The following SRBD1 variants were observed in gnomAD, a reference collection of about 807,000 sequenced individuals.
The protein encoded by SRBD1 is S1 RNA binding domain 1.
A neutral mutation model predicts 115.3 loss-of-function variants in SRBD1; 88 were observed. The observed-to-expected ratio is 0.76, with a 90% CI of 0.64 to 0.91. The LOEUF (loss-of-function observed/expected upper bound fraction) is 0.91, where lower values mean the gene tolerates loss of function less well. Ranked by LOEUF, SRBD1 falls within the 40% of genes least tolerant of loss-of-function variation. The pLI, the probability that SRBD1 is intolerant of heterozygous loss-of-function variation, is 0.00. For synonymous variants in SRBD1, 509 were observed against 407.7 expected, an observed-to-expected ratio of 1.25 and a Z score of -2.99; for missense variants, 1,385 against 1,177.4, an observed-to-expected ratio of 1.18 and a Z score of -2.58.
intron 14 of SRBD1, among the ~76,000 whole-genome samples, chr2:45,527,649 T>C (rs1363968165): frequency 1.3e-5 from 2 of 151,924 alleles, no homozygotes; most frequent in African/African-American, 4.8e-5. Context: ...TATTTTTCAA[T>C]GTACTATTCA....
In SRBD1 at chr2:45,574,725, T is replaced by G; in HGVS notation, c.1073-2A>C. ...CAATATCCTGAAGCGTTGAAAGCCC[T>G]TTAGGAGAAGGGTAAAAAGGAAAAC... On this transcript the variant is annotated splice_acceptor_variant, in intron 7 of 20. Coordinates refer to ENST00000263736, the MANE Select transcript of SRBD1 (RefSeq NM_018079.5). LOFTEE classifies it high-confidence loss of function. 6.2e-7 allele frequency: 1 copy of G among 1,605,534 alleles called. No individual in the cohort carries two copies. Among genetic ancestry groups the G allele is most frequent in the Non-Finnish European group, 8.5e-7 (1 of 1,177,608 alleles).
At chr2:45,538,997 C>A (rs1671849639) in intron 14 of SRBD1, among the ~76,000 whole-genome samples, 1 of 151,684 alleles carries the variant, frequency 6.6e-6, no homozygotes. Context: ...GAGGAAAGAA[C>A]TAAAAGAAAC....
intron 14 of SRBD1, among the ~76,000 whole-genome samples, chr2:45,523,932 A>C (rs150629327): frequency 2.1e-4 from 32 of 152,074 alleles, no homozygotes; most frequent in Admixed American, 6.6e-4. Context: ...ACAAAATACT[A>C]GCAAACCAAA....
intron 17 of SRBD1, 69 bp downstream of exon 17, chr2:45,419,719 A>T (rs1053622008): frequency 5.0e-6 from 7 of 1,390,772 alleles, no homozygotes; most frequent in Non-Finnish European, 7.1e-6. Context: ...CCCTTCTTCT[A>T]GCCGAGTTTG....
intron 4 of SRBD1, among the ~76,000 whole-genome samples, chr2:45,589,701 C>G (rs907228909): frequency 6.6e-6 from 1 of 152,162 alleles, no homozygotes; most frequent in East Asian, 1.9e-4. Context: ...GAAATTAAGG[C>G]TAACAAAACC....
intron 16 of SRBD1, among the ~76,000 whole-genome samples, chr2:45,421,996 A>G (rs1057185797): frequency 6.6e-6 from 1 of 152,228 alleles, no homozygotes; most frequent in Non-Finnish European, 1.5e-5. Context: ...CTTTTGTCTA[A>G]GCAGATGAAA....
At chr2:45,413,929 C>T (rs1667682424) in intron 18 of SRBD1, among the ~76,000 whole-genome samples, 2 of 151,122 alleles carry the variant, frequency 1.3e-5, no homozygotes, top group Non-Finnish European at 2.9e-5. Flanking sequence ...GAGAGACTGT[C>T]TCAAAAAAAA....
intron 9 of SRBD1, among the ~76,000 whole-genome samples, chr2:45,567,601 ACTGT>A (rs778905419): frequency 2.6e-4 from 40 of 151,708 alleles, no homozygotes; most frequent in Admixed American, 9.9e-4. Context: ...AGAGCAAGAT[ACTGT>A]CTAAGAAAAA....
At chr2:45,541,849 G>T (rs977262924) in intron 14 of SRBD1, among the ~76,000 whole-genome samples, 1 of 152,230 alleles carries the variant, frequency 6.6e-6, no homozygotes, top group African/African-American at 2.4e-5. Context: ...GGGTTTTTAT[G>T]GGCTCAGAAG....
chr2:45,431,541 C>A (rs1007280370), intron 16 of SRBD1, among the ~76,000 whole-genome samples: 2 of 152,038 alleles, frequency 1.3e-5, no homozygotes, highest in African/African-American at 4.8e-5. Flanking sequence ...AACCAAACAC[C>A]ACATGTTCTC....
chr2:45,402,756 A>G (rs1033240045), intron 19 of SRBD1, among the ~76,000 whole-genome samples: 1 of 152,174 alleles, frequency 6.6e-6, no homozygotes, highest in African/African-American at 2.4e-5. Context: ...AATTCTTAAT[A>G]CAGCAGATTC....
At chr2:45,445,550 TAAA>T (rs59451865) in intron 16 of SRBD1, among the ~76,000 whole-genome samples, 14 of 37,026 alleles carry the variant, frequency 3.8e-4, no homozygotes, top group Admixed American at 2.2e-3. Context: ...TTCCCAGAGG[TAAA>T]AAAAAAAAAA....
At position 45,497,728 on chromosome 2, in the gene SRBD1, T is replaced by C. The variant is rs931640726; in HGVS notation, c.1875-9397A>G. ...CAACCATCACCAAAATTCAATTTCA[T>C]ATAATTTTTTTTTTTAAGAAACTGC... On this transcript the variant is annotated intron_variant, in intron 14 of 20. Transcript: ENST00000263736. Among the ~76,000 whole-genome samples, 3 of 120,496 alleles carry C rather than the reference T, an allele frequency of 2.5e-5. No individual in the cohort carries two copies. The East Asian group carries it at 5.9e-4, about 24-fold the overall frequency. 79.1% of individuals were successfully genotyped at this position (120,496 alleles called of 152,430 possible). A position where few individuals can be genotyped will look rare whatever the true frequency, so the allele number is the denominator to read the frequency against.
intron 10 of SRBD1, among the ~76,000 whole-genome samples, chr2:45,557,043 T>A (rs1267586085): frequency 6.6e-6 from 1 of 152,056 alleles, no homozygotes; most frequent in African/African-American, 2.4e-5. Context: ...GACAAAAGAA[T>A]AAGGGCATTC....
At chr2:45,443,295 T>C (rs1040673124) in intron 16 of SRBD1, among the ~76,000 whole-genome samples, 4 of 152,160 alleles carry the variant, frequency 2.6e-5, no homozygotes, top group African/African-American at 7.2e-5. Context: ...ATGGAGTTAA[T>C]AGTAGAGAAT....
At chr2:45,504,132 G>C (rs1450538566) in intron 14 of SRBD1, among the ~76,000 whole-genome samples, 1 of 152,114 alleles carries the variant, frequency 6.6e-6, no homozygotes, top group African/African-American at 2.4e-5. Flanking sequence ...AATTGCTCAA[G>C]ATGGATTTTA....
At chr2:45,394,921 G>A (rs935130738) in intron 19 of SRBD1, among the ~76,000 whole-genome samples, 3 of 152,176 alleles carry the variant, frequency 2.0e-5, no homozygotes, top group Non-Finnish European at 2.9e-5. Context: ...AACACTGTAA[G>A]TCTGTATGTC....
intron 19 of SRBD1, among the ~76,000 whole-genome samples, chr2:45,393,518 C>T (rs895389377): frequency 3.3e-5 from 5 of 152,190 alleles, no homozygotes; most frequent in African/African-American, 1.2e-4. Context: ...GTAGCTGGGA[C>T]TACAGGCACC....
chr2:45,446,716 A>G (rs1668835028), intron 16 of SRBD1, among the ~76,000 whole-genome samples: 2 of 151,982 alleles, frequency 1.3e-5, no homozygotes. Flanking sequence ...AAAACCCCAC[A>G]GAACACCTAC....
Sources: gnomAD v4.1 joint callset for allele counts (sites outside exome capture counted in the v4.1 genomes callset) on GRCh38, gnomAD v4.1.1 for gene constraint, MANE v1.5 for transcripts, NCBI Gene and HGNC (gene_info 2026-07-23, HGNC 2026-07-21) for gene names.